Variants in SLCO6A1 observed in about 807,000 individuals in gnomAD.
SLCO6A1 encodes the protein cancer/testis antigen 48.
Under a neutral mutation model 72.7 loss-of-function variants are expected in SLCO6A1, and 65 were observed. The ratio of observed to expected loss-of-function variants is 0.89; its 90% CI spans 0.73 to 1.10. SLCO6A1 has a LOEUF of 1.10. SLCO6A1 is among the 50% of genes least tolerant of loss of function. The pLI is 0.00. For synonymous variants in SLCO6A1, 314 were observed against 298.2 expected, an observed-to-expected ratio of 1.05 and a Z score of -0.55; for missense variants, 874 against 872.6, an observed-to-expected ratio of 1.00 and a Z score of -0.02.
intron 4 of SLCO6A1, among the ~76,000 whole-genome samples, chr5:102,464,870 A>G (rs1751232234): frequency 6.6e-6 from 1 of 152,222 alleles, no homozygotes; most frequent in African/African-American, 2.4e-5. Context: ...GTTGTCTATA[A>G]TAGGTCAACC....
At chr5:102,448,222 T>C (rs1750222942) in intron 6 of SLCO6A1, among the ~76,000 whole-genome samples, 1 of 152,208 alleles carries the variant, frequency 6.6e-6, no homozygotes. Flanking sequence ...TTTATTGCAC[T>C]GTTGTTTGAG....
rs563791403 is a variant in SLCO6A1 at position 102,411,024 on chromosome 5, C to T, written c.1626+1966G>A. Among the ~76,000 whole-genome samples the T allele has an allele frequency of 2.1e-3, 317 of 152,216 alleles. 2 individuals carry two copies. Among genetic ancestry groups the T allele is most frequent in the African/African-American group, 7.2e-3 (301 of 41,542 alleles). ...GAAAGGTGACCAAAAGGATAGTATT[C>T]GTCAATCTCTAGGTGTGGAAAAGAT... On this transcript the variant is annotated intron_variant, in intron 9 of 13. Coordinates refer to ENST00000506729, the MANE Select transcript of SLCO6A1 (RefSeq NM_173488.5).
intron 4 of SLCO6A1, among the ~76,000 whole-genome samples, chr5:102,468,620 A>C (rs2112791914): frequency 6.6e-6 from 1 of 152,080 alleles, no homozygotes; most frequent in South Asian, 2.1e-4. Flanking sequence ...GTTACTTTAA[A>C]GTCTGTTTTG....
intron 12 of SLCO6A1, among the ~76,000 whole-genome samples, chr5:102,385,155 T>C (rs1054510218): frequency 4.6e-5 from 7 of 152,192 alleles, no homozygotes; most frequent in Admixed American, 3.3e-4. Flanking sequence ...TCTCTTGGCC[T>C]GCAAAATTTC....
At chr5:102,463,422 A>ATC (rs1218415496) in intron 4 of SLCO6A1, among the ~76,000 whole-genome samples, 1 of 152,248 alleles carries the variant, frequency 6.6e-6, no homozygotes, top group African/African-American at 2.4e-5. Context: ...ACTACTGGGT[A>ATC]TCTACCCAGA....
chr5:102,471,422 G>C (rs1454600969), intron 4 of SLCO6A1, among the ~76,000 whole-genome samples: 2 of 152,018 alleles, frequency 1.3e-5, no homozygotes, highest in African/African-American at 4.8e-5. Flanking sequence ...CTGTATCTTA[G>C]GGCCACTGTT....
intron 1 of SLCO6A1, among the ~76,000 whole-genome samples, chr5:102,486,251 G>C (rs1415232331): frequency 6.6e-6 from 1 of 151,994 alleles, no homozygotes; most frequent in East Asian, 1.9e-4. Context: ...ACAATTAAAG[G>C]ATTTCTAAAA....
At chr5:102,431,009 T>C (rs1749186947) in intron 7 of SLCO6A1, among the ~76,000 whole-genome samples, 3 of 152,160 alleles carry the variant, frequency 2.0e-5, no homozygotes, top group Admixed American at 2.0e-4. Context: ...AATTTCTTCC[T>C]AGATCAGTCT....
intron 7 of SLCO6A1, among the ~76,000 whole-genome samples, chr5:102,438,201 A>AT (rs1749649321): frequency 6.6e-6 from 1 of 152,114 alleles, no homozygotes; most frequent in Non-Finnish European, 1.5e-5. Context: ...AATGCATTAA[A>AT]TAGATATAGA....
intron 8 of SLCO6A1, among the ~76,000 whole-genome samples, chr5:102,417,990 C>T (rs954639136): frequency 6.7e-5 from 6 of 88,922 alleles, no homozygotes; most frequent in Non-Finnish European, 1.2e-4. Flanking sequence ...AGCGAAACTC[C>T]GTCAAAAAAA....
At chr5:102,465,968 C>T (rs1218843060) in intron 4 of SLCO6A1, among the ~76,000 whole-genome samples, 4 of 152,114 alleles carry the variant, frequency 2.6e-5, no homozygotes, top group Non-Finnish European at 5.9e-5. Context: ...ATTCCTCCCC[C>T]ACCAGAAACT....
intron 4 of SLCO6A1, among the ~76,000 whole-genome samples, chr5:102,475,113 A>G (rs146632903): frequency 9.7e-4 from 148 of 152,206 alleles, no homozygotes; most frequent in African/African-American, 3.5e-3. Flanking sequence ...TGACAACAGG[A>G]TCTCTGTGGG....
At chr5:102,432,198 ACT>A (rs1027346778) in intron 7 of SLCO6A1, among the ~76,000 whole-genome samples, 31 of 151,854 alleles carry the variant, frequency 2.0e-4, no homozygotes, top group African/African-American at 7.0e-4. Context: ...TCAGCTTGCC[ACT>A]CTGTCTTTTC....
chr5:102,382,021 C>T (rs1412710413), intron 12 of SLCO6A1, among the ~76,000 whole-genome samples: 3 of 151,628 alleles, frequency 2.0e-5, no homozygotes, highest in African/African-American at 7.3e-5. Flanking sequence ...TAGGTTATCT[C>T]TTTACTCTGT....
At chr5:102,456,866 C>T (rs937411949) in intron 6 of SLCO6A1, among the ~76,000 whole-genome samples, 1 of 152,150 alleles carries the variant, frequency 6.6e-6, no homozygotes, top group African/African-American at 2.4e-5. Context: ...TACAAGGCTA[C>T]AGTACCAAAA....
At chr5:102,448,122 T>C (rs1296093307) in intron 6 of SLCO6A1, among the ~76,000 whole-genome samples, 3 of 152,236 alleles carry the variant, frequency 2.0e-5, no homozygotes, top group Non-Finnish European at 4.4e-5. Flanking sequence ...CTTAATTTTA[T>C]TGTTTACCCA....
intron 9 of SLCO6A1, among the ~76,000 whole-genome samples, chr5:102,411,227 G>T (rs1189243074): frequency 1.3e-5 from 2 of 151,016 alleles, no homozygotes; most frequent in African/African-American, 4.9e-5. Flanking sequence ...ATATATATAT[G>T]TGTGTGTGTG....
chr5:102,448,688 A>T (rs2112716351), intron 6 of SLCO6A1, among the ~76,000 whole-genome samples: 1 of 152,284 alleles, frequency 6.6e-6, no homozygotes, highest in South Asian at 2.1e-4. Flanking sequence ...TAAGAATAGC[A>T]ATCCCTGCTC....
At chr5:102,408,638 C>T (rs745533208) in intron 9 of SLCO6A1, among the ~76,000 whole-genome samples, 3 of 151,770 alleles carry the variant, frequency 2.0e-5, no homozygotes, top group Non-Finnish European at 4.4e-5. Flanking sequence ...AGTTCCATAC[C>T]CAGTGAAAAC....
Sources: gnomAD v4.1 joint callset for allele counts (sites outside exome capture counted in the v4.1 genomes callset) on GRCh38, gnomAD v4.1.1 for gene constraint, MANE v1.5 for transcripts, NCBI Gene and HGNC (gene_info 2026-07-23, HGNC 2026-07-21) for gene names.